The following BCO1 variants were observed in gnomAD, a reference collection of about 807,000 sequenced individuals.
The protein encoded by BCO1 is beta-carotene oxygenase 1.
BCO1 carries 54 observed loss-of-function variants against 56.3 expected under a neutral mutation model. The ratio of observed to expected loss-of-function variants is 0.96; its 90% CI spans 0.77 to 1.20. BCO1 has a LOEUF of 1.20. Ranked by LOEUF, BCO1 falls within the 50% of genes most tolerant of loss-of-function variation. The pLI, the probability that BCO1 is intolerant of heterozygous loss-of-function variation, is 0.00. For missense variants in BCO1, 801 were observed against 690.9 expected, an observed-to-expected ratio of 1.16 and a Z score of -1.79; for synonymous variants, 318 against 266.1, an observed-to-expected ratio of 1.20 and a Z score of -1.90.
chr16:81,241,061 C>T (rs1905083782), intron 1 of BCO1, among the ~76,000 whole-genome samples: 1 of 152,116 alleles, frequency 6.6e-6, no homozygotes, highest in South Asian at 2.1e-4. Context: ...CGCAAACTCC[C>T]AACCTCAGTT....
rs78896530 is a variant in BCO1, at chr16:81,241,854, G to A, written c.64+2882G>A. ...CGTCCATGCAGGGAGCACATGCAAA[G>A]GTTTTGGCTTTGTAACTGGCTGTGC... On this transcript the variant is annotated intron_variant, in intron 1 of 10. Coordinates refer to ENST00000258168, the MANE Select transcript of BCO1 (RefSeq NM_017429.3). 3.7e-3 allele frequency among the ~76,000 whole-genome samples: 560 copies of A among 152,272 alleles called. 6 individuals are homozygous for A. Among genetic ancestry groups the A allele is most frequent in the African/African-American group, 0.013 (539 of 41,554 alleles).
At position 81,290,333 on chromosome 16, in the gene BCO1, T is replaced by TC; in HGVS notation, c.1415-14dup. 6.2e-7 allele frequency: 1 copy of TC among 1,604,418 alleles called. No homozygotes were observed. Among genetic ancestry groups the TC allele is most frequent in the African/African-American group, 1.3e-5 (1 of 74,828 alleles). On this transcript the variant is annotated splice_polypyrimidine_tract_variant and intron_variant, in intron 10 of 10. Coordinates refer to ENST00000258168, the MANE Select transcript of BCO1 (RefSeq NM_017429.3). ...CTGCACTTTTACGAAGTGTTTTTTTTCTGTTTCCCTAAAGGAGTAATCTTA... is the reference window on the plus strand; with the variant it reads ...CTGCACTTTTACGAAGTGTTTTTTTTCCTGTTTCCCTAAAGGAGTAATCTTA...
chr16:81,250,415 G>A (rs1219491898), intron 2 of BCO1, among the ~76,000 whole-genome samples: 4 of 151,900 alleles, frequency 2.6e-5, no homozygotes, highest in Non-Finnish European at 4.4e-5. Flanking sequence ...AGGACTCTCC[G>A]TGGCACCCCA....
intron 1 of BCO1, among the ~76,000 whole-genome samples, chr16:81,243,650 G>T (rs1905237858): frequency 6.6e-6 from 1 of 152,076 alleles, no homozygotes. Flanking sequence ...TGTATTTTTG[G>T]TGGAGGCGGG....
chr16:81,245,034 G>A (rs1227650251), intron 1 of BCO1, among the ~76,000 whole-genome samples: 1 of 152,118 alleles, frequency 6.6e-6, no homozygotes, highest in East Asian at 1.9e-4. Flanking sequence ...GGGATTACAG[G>A]CGCTCACTAT....
intron 6 of BCO1, among the ~76,000 whole-genome samples, chr16:81,268,357 G>T (rs1488761518): frequency 6.6e-6 from 1 of 152,160 alleles, no homozygotes; most frequent in Non-Finnish European, 1.5e-5. Context: ...GGCTGTCCAG[G>T]CAAGGGGGTG....
In BCO1 at chr16:81,267,837, G is replaced by A. The variant is rs932051449; in HGVS notation, c.620-71G>A. 3.1e-6 allele frequency: 4 copies of A among 1,297,732 alleles called. No homozygotes were observed. The African/African-American group carries it at 4.4e-5, about 14-fold the overall frequency. The allele number at this position is 1,297,732 out of a possible 1,614,324, so 80.4% of individuals were successfully genotyped here. On this transcript the variant is annotated intron_variant, in intron 5 of 10. Coordinates refer to ENST00000258168, the MANE Select transcript of BCO1 (RefSeq NM_017429.3). ...TCAGCAATCAAGTCAGTTTGTAGGT[G>A]ATGGTGGTGTGGTCTTGGGGGGGCA...
At chr16:81,261,794 T>C in intron 3 of BCO1, 1 of 311,634 alleles carries the variant, frequency 3.2e-6, no homozygotes. Context: ...CAGGCTGGAG[T>C]GTAGTGGCGC....
At chr16:81,270,086 G>T in intron 6 of BCO1, 73 bp from the exon 7 acceptor site, 15 of 1,594,678 alleles carry the variant, frequency 9.4e-6, no homozygotes, top group South Asian at 5.5e-5. Flanking sequence ...GCTGGGTTTT[G>T]TTCAGCCCCC....
chr16:81,280,492 A>C (rs1191416178), intron 7 of BCO1, among the ~76,000 whole-genome samples: 1 of 152,126 alleles, frequency 6.6e-6, no homozygotes, highest in Non-Finnish European at 1.5e-5. Context: ...ACTCTTTAGA[A>C]GCATCCTTTT....
intron 7 of BCO1, among the ~76,000 whole-genome samples, chr16:81,274,820 G>A (rs893114350): frequency 5.3e-5 from 8 of 151,952 alleles, no homozygotes; most frequent in Non-Finnish European, 8.8e-5. Flanking sequence ...GGAGGCTGCA[G>A]TGAGCTGAGA....
chr16:81,246,058 A>C (rs931390758), intron 2 of BCO1, among the ~76,000 whole-genome samples: 1 of 151,268 alleles, frequency 6.6e-6, no homozygotes, highest in Non-Finnish European at 1.5e-5. Flanking sequence ...CAAACTCCTG[A>C]CCTCAGATGA....
At chr16:81,272,360 C>T (rs1410649499) in intron 7 of BCO1, among the ~76,000 whole-genome samples, 2 of 150,506 alleles carry the variant, frequency 1.3e-5, no homozygotes, top group African/African-American at 2.4e-5. Flanking sequence ...CCTCATGATC[C>T]GCCCGCCTTG....
chr16:81,259,699 T>G lies in BCO1; in HGVS notation c.217T>G (p.Tyr73Asp). The G allele has an allele frequency of 6.2e-7, 1 of 1,614,144 alleles. No individual in the cohort carries two copies. The highest frequency in any genetic ancestry group is 8.5e-7 in the Non-Finnish European group (1 of 1,180,020). ...RDGEVYYRSKYLRSDTYNTNI... is the reference protein window; with the variant it reads ...RDGEVYYRSKDLRSDTYNTNI... ...AGGTGAAGTCTATTACAGGAGCAAA[T>G]ACCTGAGAAGCGATACCTACAACAC... is the stretch of plus-strand genomic sequence containing the variant. The change falls in exon 3 of 11, where the codon TAC becomes GAC. Residue 73 changes from tyrosine to aspartate, a missense_variant. Coordinates refer to ENST00000258168, the MANE Select transcript of BCO1 (RefSeq NM_017429.3).
At chr16:81,254,332 G>A (rs11641446) in intron 2 of BCO1, among the ~76,000 whole-genome samples, 32,271 of 103,398 alleles carry the variant, frequency 0.31, 4,185 homozygotes, top group Middle Eastern at 0.52. Context: ...TGTATTTTTA[G>A]TAGAGACAGG....
chr16:81,249,092 CT>C (rs546566864), intron 2 of BCO1, among the ~76,000 whole-genome samples: 7,071 of 133,376 alleles, frequency 0.053, 204 homozygotes, highest in Admixed American at 0.095. Context: ...CTCTTTCTTT[CT>C]TTTTTTTTTT....
At chr16:81,266,296 T>C (rs1015809049) in intron 5 of BCO1, among the ~76,000 whole-genome samples, 3 of 152,142 alleles carry the variant, frequency 2.0e-5, no homozygotes, top group East Asian at 1.9e-4. Context: ...AGGCGGAGGC[T>C]CTTAGCCCAT....
intron 9 of BCO1, 52 bp downstream of exon 9, chr16:81,285,686 T>C (rs1908140872): frequency 1.5e-6 from 2 of 1,328,138 alleles, no homozygotes; most frequent in African/African-American, 1.4e-5. Flanking sequence ...TGTGTCTATA[T>C]GCAAAGCTGA....
rs188969863 is a variant in BCO1 at position 81,248,973 on chromosome 16, C to G, written c.193+3370C>G. 1.3e-3 allele frequency among the ~76,000 whole-genome samples: 202 copies of G among 152,146 alleles called. 1 individual carries two copies. Among genetic ancestry groups the G allele is most frequent in the African/African-American group, 4.4e-3 (184 of 41,520 alleles). ...GCTGTGGTGAGTTGAGATCATGCCA[C>G]TGCACTCCAGCCTGGGTGACACAGT... On this transcript the variant is annotated intron_variant, in intron 2 of 10. Transcript: ENST00000258168.
Sources: gnomAD v4.1 joint callset for allele counts (sites outside exome capture counted in the v4.1 genomes callset) on GRCh38, gnomAD v4.1.1 for gene constraint, MANE v1.5 for transcripts, NCBI Gene and HGNC (gene_info 2026-07-23, HGNC 2026-07-21) for gene names.